The following CTNNA3 variants were observed in gnomAD, a reference collection of about 807,000 sequenced individuals.
CTNNA3 encodes catenin alpha 3.
A neutral mutation model predicts 95.7 loss-of-function variants in CTNNA3; 76 were observed. That is an observed-to-expected ratio of 0.79 (90% confidence interval 0.66 to 0.96). The LOEUF is 0.96. CTNNA3 is among the 40% of genes least tolerant of loss of function. The probability of loss-of-function intolerance (pLI) is 0.00; values close to 1 mark genes in which losing one functional copy is unlikely to be tolerated. For synonymous variants in CTNNA3, 431 were observed against 374.4 expected (o/e 1.15, Z -1.74); for missense variants, 1,191 against 1,089.8 (o/e 1.09, Z -1.31).
chr10:66,190,318 G>C (rs1159508662), intron 13 of CTNNA3, among the ~76,000 whole-genome samples: 1 of 152,106 alleles, frequency 6.6e-6, no homozygotes, highest in Non-Finnish European at 1.5e-5. Context: ...TGTCAAACAA[G>C]AATTCTTCAT....
intron 12 of CTNNA3, among the ~76,000 whole-genome samples, chr10:66,372,058 C>A (rs2092758578): frequency 6.6e-6 from 1 of 152,092 alleles, no homozygotes; most frequent in African/African-American, 2.4e-5. Context: ...AAAAGCTATT[C>A]TTTGGGATGA....
intron 1 of CTNNA3, among the ~76,000 whole-genome samples, chr10:67,711,296 G>A (rs575304349): frequency 1.3e-5 from 2 of 152,320 alleles, no homozygotes; most frequent in Non-Finnish European, 2.9e-5. Flanking sequence ...AATAGGCAGA[G>A]GTTGGAACAG....
At chr10:67,497,577 C>T (rs1006924114) in intron 5 of CTNNA3, among the ~76,000 whole-genome samples, 11 of 152,316 alleles carry the variant, frequency 7.2e-5, no homozygotes, top group Admixed American at 2.6e-4. Flanking sequence ...TATTTCTCCA[C>T]GTCCTCTCCA....
At chr10:67,368,905 A>G (rs1843313168) in intron 5 of CTNNA3, among the ~76,000 whole-genome samples, 1 of 152,214 alleles carries the variant, frequency 6.6e-6, no homozygotes, top group South Asian at 2.1e-4. Flanking sequence ...GACGGGCAAG[A>G]GAAAACTTTA....
At chr10:67,131,509 C>T (rs763199204) in intron 7 of CTNNA3, among the ~76,000 whole-genome samples, 7 of 152,028 alleles carry the variant, frequency 4.6e-5, no homozygotes, top group Non-Finnish European at 7.4e-5. Context: ...GTCATTATGC[C>T]GGGTGTTGGT....
intron 11 of CTNNA3, among the ~76,000 whole-genome samples, chr10:66,479,872 C>T (rs932477642): frequency 1.3e-5 from 2 of 151,396 alleles, no homozygotes; most frequent in Non-Finnish European, 2.9e-5. Context: ...TTATATCAAT[C>T]GAACATCTTT....
intron 11 of CTNNA3, among the ~76,000 whole-genome samples, chr10:66,390,027 C>T (rs1274060417): frequency 6.6e-6 from 1 of 152,200 alleles, no homozygotes; most frequent in Non-Finnish European, 1.5e-5. Flanking sequence ...TGAGCCCCTG[C>T]ACCTGGCCAG....
At chr10:66,932,002 G>A (rs899979005) in intron 7 of CTNNA3, among the ~76,000 whole-genome samples, 10 of 152,120 alleles carry the variant, frequency 6.6e-5, no homozygotes, top group African/African-American at 2.4e-4. Flanking sequence ...ACTGGTCAGG[G>A]ATATGTCAAA....
chr10:66,636,181 T>A (rs761160841), intron 9 of CTNNA3, among the ~76,000 whole-genome samples: 1 of 152,082 alleles, frequency 6.6e-6, no homozygotes, highest in Non-Finnish European at 1.5e-5. Context: ...GCTCCTTGAA[T>A]GTGTTCTGCA....
At chr10:66,170,241 C>CTTTTTTTTTTTTT (rs57644952) in intron 13 of CTNNA3, among the ~76,000 whole-genome samples, 3 of 73,360 alleles carry the variant, frequency 4.1e-5, no homozygotes, top group Admixed American at 1.7e-4. Flanking sequence ...TCCTCATTGT[C>CTTTTTTTTTTTTT]TTTTTTTTTT....
intron 7 of CTNNA3, among the ~76,000 whole-genome samples, chr10:67,139,547 G>A (rs1218599225): frequency 2.6e-5 from 4 of 151,680 alleles, no homozygotes; most frequent in Non-Finnish European, 5.9e-5. Context: ...TGAGTAGCTG[G>A]GATTACAGGT....
At chr10:66,579,562 C>T (rs890471889) in intron 10 of CTNNA3, among the ~76,000 whole-genome samples, 1 of 151,670 alleles carries the variant, frequency 6.6e-6, no homozygotes, top group Non-Finnish European at 1.5e-5. Context: ...TTGTTTTTAT[C>T]CATAGCAAAG....
chr10:67,647,085 C>A (rs529209582), intron 2 of CTNNA3, among the ~76,000 whole-genome samples: 2 of 150,100 alleles, frequency 1.3e-5, no homozygotes, highest in African/African-American at 4.9e-5. Context: ...ACCATGTTAC[C>A]TGCCTCATTC....
intron 9 of CTNNA3, among the ~76,000 whole-genome samples, chr10:66,651,256 A>T (rs1028580865): frequency 6.6e-6 from 1 of 152,172 alleles, no homozygotes; most frequent in African/African-American, 2.4e-5. Context: ...AGTCCCCACC[A>T]GATTAGCTAG....
intron 13 of CTNNA3, among the ~76,000 whole-genome samples, chr10:66,143,216 A>G (rs1041170769): frequency 2.0e-5 from 3 of 152,132 alleles, no homozygotes; most frequent in African/African-American, 7.2e-5. Context: ...AAATATGCTT[A>G]CAGTACCAAA....
chr10:66,544,889 C>A (rs1021697690), intron 10 of CTNNA3, among the ~76,000 whole-genome samples: 1 of 152,016 alleles, frequency 6.6e-6, no homozygotes, highest in African/African-American at 2.4e-5. Context: ...AATAAACCAA[C>A]GGTGTTCTCT....
At chr10:67,185,105 T>C (rs1194315863) in intron 6 of CTNNA3, among the ~76,000 whole-genome samples, 1 of 151,970 alleles carries the variant, frequency 6.6e-6, no homozygotes, top group Admixed American at 6.6e-5. Flanking sequence ...TTCCTGACTG[T>C]TTTCTTCCTA....
rs544751153 is a variant in CTNNA3 at position 67,063,389 on chromosome 10, T to C, written c.1047+116928A>G. Among the ~76,000 whole-genome samples, 4 of 152,298 alleles carry C rather than the reference T, an allele frequency of 2.6e-5. No homozygotes were observed. In the East Asian group the frequency reaches 7.7e-4, roughly 29 times the overall value. ...GCTGAATGTGATAAAAATATATGCC[T>C]TTAAAAAGTTAGGGGTCTCAATCAG... On this transcript the variant is annotated intron_variant, in intron 7 of 17. Coordinates refer to ENST00000433211, the MANE Select transcript of CTNNA3 (RefSeq NM_013266.4).
chr10:66,897,937 T>C (rs530424595), intron 7 of CTNNA3, among the ~76,000 whole-genome samples: 1 of 152,266 alleles, frequency 6.6e-6, no homozygotes, highest in African/African-American at 2.4e-5. Context: ...GCCTTATTGA[T>C]ATGGTTATGT....
Sources: allele counts gnomAD v4.1 joint callset (sites outside exome capture counted in the v4.1 genomes callset), GRCh38; gene constraint gnomAD v4.1.1; transcripts MANE v1.5; gene names NCBI Gene and HGNC (gene_info 2026-07-23, HGNC 2026-07-21).